CFAP54: variants seen among roughly 807,000 people sequenced by gnomAD.
The protein encoded by CFAP54 is cilia- and flagella-associated protein 54.
A neutral mutation model predicts 370.4 loss-of-function variants in CFAP54; 290 were observed. That is an observed-to-expected ratio of 0.78 (90% CI 0.71 to 0.86). CFAP54 has a LOEUF of 0.86. Ranked by LOEUF, CFAP54 falls within the 40% of genes least tolerant of loss-of-function variation. The pLI, the probability that CFAP54 is intolerant of heterozygous loss-of-function variation, is 0.00. For missense variants in CFAP54, 3,399 were observed against 3,528.7 expected (o/e 0.96, Z 0.93); for synonymous variants, 1,206 against 1,236.5 (o/e 0.98, Z 0.52).
intron 67 of CFAP54, among the ~76,000 whole-genome samples, chr12:96,874,714 C>G (rs1960259810): frequency 6.9e-6 from 1 of 145,476 alleles, no homozygotes; most frequent in South Asian, 2.2e-4. Context: ...ACTGCAAGCT[C>G]CGCCTCCCGG....
chr12:96,757,728 G>T, intron 58 of CFAP54, 140 bp downstream of exon 58: 1 of 515,782 alleles, frequency 1.9e-6, no homozygotes, highest in South Asian at 3.2e-5. Flanking sequence ...AGTTACACTT[G>T]TAACTATGTT....
At chr12:96,726,701 T>G (rs1957844231) in intron 50 of CFAP54, among the ~76,000 whole-genome samples, 1 of 152,190 alleles carries the variant, frequency 6.6e-6, no homozygotes, top group South Asian at 2.1e-4. Flanking sequence ...TTTTAGTTAT[T>G]TCTTGCCTTC....
intron 60 of CFAP54, among the ~76,000 whole-genome samples, chr12:96,779,668 A>G (rs556302576): frequency 1.8e-3 from 260 of 148,460 alleles, no homozygotes; most frequent in Middle Eastern, 7.1e-3. Flanking sequence ...ATATATTAAC[A>G]TATATATATT....
intron 45 of CFAP54, among the ~76,000 whole-genome samples, chr12:96,697,402 C>T (rs1957449086): frequency 6.6e-6 from 1 of 152,156 alleles, no homozygotes; most frequent in African/African-American, 2.4e-5. Flanking sequence ...CCTGAACCTC[C>T]TTTGATATTA....
chr12:96,576,544 G>C (rs1437015108), intron 19 of CFAP54, 41 bp from the exon 20 acceptor site: 1 of 1,364,084 alleles, frequency 7.3e-7, no homozygotes, highest in East Asian at 2.5e-5. Flanking sequence ...TAGAGTTCAA[G>C]CTCTTGACAT....
In CFAP54 at chr12:96,772,619, T is replaced by C. The variant is rs552027684; in HGVS notation, c.8281+7401T>C. ...TTTTTTTTTTTTTTTTGAGATGGAG[T>C]TTTGCTCTTGTTGCCCAGGCTGGAG... On this transcript the variant is annotated intron_variant, in intron 60 of 67. Coordinates refer to ENST00000524981, the MANE Select transcript of CFAP54 (RefSeq NM_001306084.2). 2.1e-5 allele frequency among the ~76,000 whole-genome samples: 3 copies of C among 140,546 alleles called. No individual in the cohort carries two copies. The East Asian group carries it at 6.2e-4, about 29-fold the overall frequency. The allele number at this position is 140,546 out of a possible 152,430, so 92.2% of individuals were successfully genotyped here.
chr12:96,833,114 C>T (rs756315621), intron 66 of CFAP54, among the ~76,000 whole-genome samples: 9 of 152,126 alleles, frequency 5.9e-5, no homozygotes, highest in Non-Finnish European at 1.0e-4. Flanking sequence ...AGGAAGGGAA[C>T]GAGTGCCCCA....
At chr12:96,523,919 A>AT (rs11407072) in intron 8 of CFAP54, among the ~76,000 whole-genome samples, 82,521 of 148,268 alleles carry the variant, frequency 0.56, 23,098 homozygotes, top group East Asian at 0.74. Flanking sequence ...AGTTCTGGTG[A>AT]TTTTTTTTTT....
chr12:96,720,507 G>GT lies in CFAP54; in HGVS notation c.6908dup (p.Glu2304GlyfsTer37). ...CTCCGCTGGCGAGCTGGAGATTGTG[G>GT]TGGAGGCCCGGCTTCAGCTGGCTGC... On this transcript the variant is annotated frameshift_variant, in exon 50 of 68. Transcript: ENST00000524981. LOFTEE classifies it high-confidence loss of function. 1.3e-6 allele frequency: 2 copies of GT among 1,597,396 alleles called. No homozygotes were observed. The highest frequency in any genetic ancestry group is 8.5e-7 in the Non-Finnish European group (1 of 1,170,084).
At chr12:96,696,831 G>A (rs1203801265) in intron 45 of CFAP54, among the ~76,000 whole-genome samples, 1 of 152,192 alleles carries the variant, frequency 6.6e-6, no homozygotes, top group East Asian at 1.9e-4. Context: ...TGTGTGAGCA[G>A]AGTTTGCCTG....
chr12:96,607,415 T>C (rs982232219), intron 26 of CFAP54, among the ~76,000 whole-genome samples: 7 of 152,156 alleles, frequency 4.6e-5, no homozygotes, highest in African/African-American at 1.4e-4. Context: ...ATAACCCTTC[T>C]GTAACTGAAC....
chr12:96,824,244 C>T (rs999165597), intron 65 of CFAP54, among the ~76,000 whole-genome samples: 1 of 152,148 alleles, frequency 6.6e-6, no homozygotes, highest in African/African-American at 2.4e-5. Context: ...CTCACAGCCC[C>T]AACCTCCAGT....
intron 67 of CFAP54, among the ~76,000 whole-genome samples, chr12:96,865,276 A>T (rs1178166694): frequency 6.6e-6 from 1 of 152,216 alleles, no homozygotes; most frequent in African/African-American, 2.4e-5. Context: ...TAAATAATGA[A>T]TAACTAAACA....
At chr12:96,747,667 A>G (rs901769205) in intron 55 of CFAP54, among the ~76,000 whole-genome samples, 1 of 152,238 alleles carries the variant, frequency 6.6e-6, no homozygotes, top group African/African-American at 2.4e-5. Context: ...TTTGGGATCT[A>G]GAGGATCCAG....
At chr12:96,756,785 C>T (rs987162282) in intron 57 of CFAP54, among the ~76,000 whole-genome samples, 2 of 152,108 alleles carry the variant, frequency 1.3e-5, no homozygotes, top group African/African-American at 4.8e-5. Context: ...TGGCCTGTAC[C>T]CAGATCTCGT....
intron 4 of CFAP54, among the ~76,000 whole-genome samples, chr12:96,507,761 T>C (rs1955123660): frequency 6.6e-6 from 1 of 152,214 alleles, no homozygotes; most frequent in South Asian, 2.1e-4. Flanking sequence ...ATATTGGATT[T>C]TCCCTCATCC....
chr12:96,531,427 TC>T (rs1306977918), intron 9 of CFAP54, among the ~76,000 whole-genome samples: 2 of 152,010 alleles, frequency 1.3e-5, no homozygotes, highest in African/African-American at 4.8e-5. Context: ...TACTTTGAGG[TC>T]ATATCTTTCT....
intron 40 of CFAP54, among the ~76,000 whole-genome samples, chr12:96,680,096 T>C (rs1403314503): frequency 1.3e-5 from 2 of 152,234 alleles, no homozygotes; most frequent in Non-Finnish European, 2.9e-5. Context: ...GTAGACGGAT[T>C]GAATCACACT....
intron 13 of CFAP54, among the ~76,000 whole-genome samples, chr12:96,538,826 A>T (rs1955537877): frequency 6.6e-6 from 1 of 150,900 alleles, no homozygotes; most frequent in Non-Finnish European, 1.5e-5. Context: ...ATCTTGGCTC[A>T]CTGCAACCTC....
Sources: gnomAD v4.1 joint callset for allele counts (sites outside exome capture counted in the v4.1 genomes callset) on GRCh38, gnomAD v4.1.1 for gene constraint, MANE v1.5 for transcripts, NCBI Gene and HGNC (gene_info 2026-07-23, HGNC 2026-07-21) for gene names.